Variants in DEUP1 observed in about 807,000 individuals in gnomAD.
DEUP1 encodes the protein coiled-coil domain containing 67.
A neutral mutation model predicts 87.4 loss-of-function variants in DEUP1; 82 were observed. The ratio of observed to expected loss-of-function variants is 0.94; its 90% CI spans 0.78 to 1.13. The LOEUF is 1.13. Ranked by LOEUF, DEUP1 falls within the 50% of genes most tolerant of loss-of-function variation. The probability of loss-of-function intolerance (pLI) is 0.00; values close to 1 mark genes in which losing one functional copy is unlikely to be tolerated. For synonymous variants in DEUP1, 214 were observed against 222.7 expected (o/e 0.96, Z 0.35); for missense variants, 663 against 681.5 (o/e 0.97, Z 0.30).
chr11:93,368,519 T>C (rs1439711549), intron 5 of DEUP1, among the ~76,000 whole-genome samples: 2 of 152,126 alleles, frequency 1.3e-5, no homozygotes, highest in Non-Finnish European at 2.9e-5. Context: ...AAGCAAGGCA[T>C]GTCTTCACGT....
chr11:93,413,257 T>A (rs1947496556), intron 12 of DEUP1, among the ~76,000 whole-genome samples: 1 of 151,414 alleles, frequency 6.6e-6, no homozygotes, highest in Admixed American at 6.6e-5. Context: ...TTTTTTTTTT[T>A]TTGAGACGGA....
chr11:93,380,698 C>T (rs551864231), intron 7 of DEUP1, among the ~76,000 whole-genome samples: 10 of 152,102 alleles, frequency 6.6e-5, no homozygotes, highest in South Asian at 4.2e-4. Context: ...CCACCGCGCC[C>T]GGCCAGCTAA....
intron 8 of DEUP1, among the ~76,000 whole-genome samples, chr11:93,388,749 T>C (rs902832795): frequency 1.3e-5 from 2 of 152,194 alleles, no homozygotes; most frequent in Non-Finnish European, 2.9e-5. Context: ...CTTATCTACA[T>C]ATGCAATCCC....
At chr11:93,433,179 A>G (rs146430134) in intron 13 of DEUP1, among the ~76,000 whole-genome samples, 168 of 152,292 alleles carry the variant, frequency 1.1e-3, no homozygotes, top group African/African-American at 3.9e-3. Context: ...TAACTAAAAA[A>G]TTTTATTGAA....
intron 7 of DEUP1, among the ~76,000 whole-genome samples, chr11:93,381,165 T>G (rs1237837206): frequency 2.0e-5 from 3 of 152,340 alleles, no homozygotes; most frequent in African/African-American, 7.2e-5. Context: ...TTATATTTGA[T>G]AGTTGATTTG....
intron 9 of DEUP1, among the ~76,000 whole-genome samples, chr11:93,392,928 C>T (rs1164317950): frequency 5.7e-5 from 5 of 87,644 alleles, no homozygotes; most frequent in South Asian, 1.0e-3. Flanking sequence ...CTTCTCCTCC[C>T]TCCTCTTCCT....
At chr11:93,405,011 G>C (rs1303184846) in intron 11 of DEUP1, among the ~76,000 whole-genome samples, 1 of 151,472 alleles carries the variant, frequency 6.6e-6, no homozygotes, top group East Asian at 1.9e-4. Context: ...GAAATTGCAG[G>C]GTTTTAAAAA....
In DEUP1 at chr11:93,437,809, CA is replaced by C; in HGVS notation, c.*92del. ...TATTTACAAAGCTGATTAATGAAAC[CA>C]AGAAATTCTGTTCTGTTTCCTTGAG... On this transcript the variant is annotated 3_prime_UTR_variant, in exon 14 of 14. Coordinates refer to ENST00000298050, the MANE Select transcript of DEUP1 (RefSeq NM_181645.4). 1 of 727,666 alleles carries C rather than the reference CA, an allele frequency of 1.4e-6. No individual in the cohort carries two copies. The highest frequency in any genetic ancestry group is 2.3e-6 in the Non-Finnish European group (1 of 425,568). The allele number at this position is 727,666 out of a possible 1,614,324, so 45.1% of individuals were successfully genotyped here.
chr11:93,346,401 T>G (rs1433133551), intron 2 of DEUP1, among the ~76,000 whole-genome samples: 1 of 152,142 alleles, frequency 6.6e-6, no homozygotes, highest in Admixed American at 6.5e-5. Flanking sequence ...TTTTTTGTAT[T>G]TTTTTGGTAA....
upstream of DEUP1, chr11:93,330,034 T>C (rs3020061): frequency 0.66 from 101,062 of 152,040 alleles, 34,222 homozygotes; most frequent in East Asian, 0.82. Flanking sequence ...GAGGCAACAC[T>C]GTCCGTTCGC....
chr11:93,382,742 G>T (rs984701455), intron 7 of DEUP1, among the ~76,000 whole-genome samples: 2 of 152,080 alleles, frequency 1.3e-5, no homozygotes, highest in Non-Finnish European at 2.9e-5. Context: ...TCTTCAACTG[G>T]GCAAAGTTAT....
At chr11:93,414,293 C>A (rs60727319) in intron 12 of DEUP1, among the ~76,000 whole-genome samples, 48,538 of 151,978 alleles carry the variant, frequency 0.32, 8,318 homozygotes, top group African/African-American at 0.42. Flanking sequence ...GCAGGCGAAT[C>A]ACAAGGTCAG....
At position 93,437,709 on chromosome 11, in the gene DEUP1, G is replaced by T; in HGVS notation, c.1805G>T (p.Arg602Ile). The T allele has an allele frequency of 6.4e-7, 1 of 1,561,586 alleles. No individual in the cohort carries two copies. The highest frequency in any genetic ancestry group is 1.1e-5 in the South Asian group (1 of 89,044). Residue 602 changes from arginine (R) to isoleucine (I), a missense_variant, in exon 14 of 14, where the codon AGA becomes ATA. Transcript: ENST00000298050. Reference sequence around the variant, plus strand: ...AAATACTCCAAGCTAAAACAAAATAGACACATATGAGCTTTTAAACTTTTT... The same window carrying T: ...AAATACTCCAAGCTAAAACAAAATATACACATATGAGCTTTTAAACTTTTT... Reference protein sequence around the residue: ...LNKYSKLKQNRHI With the variant: ...LNKYSKLKQNIHI
chr11:93,419,912 G>A (rs1947813818), intron 13 of DEUP1, among the ~76,000 whole-genome samples: 1 of 151,132 alleles, frequency 6.6e-6, no homozygotes, highest in Non-Finnish European at 1.5e-5. Flanking sequence ...TGAAATTGTG[G>A]CAATAATCAA....
intron 12 of DEUP1, among the ~76,000 whole-genome samples, chr11:93,412,986 A>G (rs1947484603): frequency 6.6e-6 from 1 of 152,182 alleles, no homozygotes; most frequent in South Asian, 2.1e-4. Flanking sequence ...TAATTTACAG[A>G]TGCCTCACTT....
rs536197087 is a variant in DEUP1 at position 93,355,688 on chromosome 11, C to G, written c.201+146C>G. 6 of 697,648 alleles carry G rather than the reference C, an allele frequency of 8.6e-6. No homozygotes were observed. In the East Asian group the frequency reaches 1.7e-4, roughly 20 times the overall value. The allele number at this position is 697,648 out of a possible 1,614,324, so 43.2% of individuals were successfully genotyped here. ...TGAAATTCTGTCAGCAAATTATAGG[C>G]TAAATGTATTATATCAAATAAGTGA... is the stretch of plus-strand genomic sequence containing the variant. On this transcript the variant is annotated intron_variant, in intron 3 of 13. Coordinates refer to ENST00000298050, the MANE Select transcript of DEUP1 (RefSeq NM_181645.4).
At chr11:93,394,424 G>A in intron 9 of DEUP1, 35 bp from the exon 10 acceptor site, 1 of 1,453,552 alleles carries the variant, frequency 6.9e-7, no homozygotes. Flanking sequence ...TAAATAAAAG[G>A]ATTCAATAAT....
chr11:93,385,291 C>A, intron 7 of DEUP1, 107 bp from the exon 8 acceptor site: 2 of 970,500 alleles, frequency 2.1e-6, no homozygotes, highest in African/African-American at 1.7e-5. Flanking sequence ...GACTAAATAT[C>A]AGTTTGTTTA....
chr11:93,415,131 G>A lies in DEUP1; in HGVS notation c.1638+17G>A, dbSNP rs1253496986. The stretch of plus-strand genomic sequence containing the variant: ...TTCCCACTGGTGAGTTGCTGGTTGT[G>A]GGCTTTTTTTTTCTTTAATGGGTTA... On this transcript the variant is annotated intron_variant, in intron 13 of 13. Coordinates refer to ENST00000298050, the MANE Select transcript of DEUP1 (RefSeq NM_181645.4). 1.3e-6 allele frequency: 2 copies of A among 1,531,960 alleles called. No individual in the cohort carries two copies. The highest frequency in any genetic ancestry group is 1.4e-5 in the African/African-American group (1 of 72,796). 94.9% of individuals were successfully genotyped at this position (1,531,960 alleles called of 1,614,324 possible).
Sources: gnomAD v4.1 joint callset for allele counts (sites outside exome capture counted in the v4.1 genomes callset) on GRCh38, gnomAD v4.1.1 for gene constraint, MANE v1.5 for transcripts, NCBI Gene and HGNC (gene_info 2026-07-23, HGNC 2026-07-21) for gene names.